The following INPP4B variants were observed in gnomAD, a reference collection of about 807,000 sequenced individuals.
INPP4B encodes inositol polyphosphate-4-phosphatase type II B, also known as inositol polyphosphate 4-phosphatase type II.
A neutral mutation model predicts 122.5 loss-of-function variants in INPP4B; 55 were observed. That is an observed-to-expected ratio of 0.45 (90% CI 0.36 to 0.56). The LOEUF is 0.56. Among genes scored for constraint, INPP4B ranks in the 20% least tolerant of loss-of-function variants. INPP4B has a pLI of 0.00. For missense variants in INPP4B, 1,000 were observed against 1,097.7 expected (o/e 0.91, Z 1.26); for synonymous variants, 403 against 388.7 (o/e 1.04, Z -0.43).
At chr4:142,819,726 T>C (rs879609241) in intron 1 of INPP4B, among the ~76,000 whole-genome samples, 2 of 152,114 alleles carry the variant, frequency 1.3e-5, no homozygotes, top group Non-Finnish European at 2.9e-5. Context: ...GTCCAGATCT[T>C]TCTTTATGAG....
intron 14 of INPP4B, chr4:142,202,819 G>T: frequency 2.0e-6 from 2 of 978,284 alleles, no homozygotes; most frequent in Non-Finnish European, 2.4e-6. Context: ...TGCTTGACAG[G>T]TGTGTTTCAC....
intron 11 of INPP4B, 61 bp from the exon 12 acceptor site, chr4:142,238,072 C>A: frequency 1.3e-6 from 1 of 788,160 alleles, no homozygotes; most frequent in Non-Finnish European, 2.0e-6. Flanking sequence ...AGGTGAAGCT[C>A]AATTAATAAA....
chr4:142,491,551 G>A (rs1454738841), intron 2 of INPP4B, among the ~76,000 whole-genome samples: 1 of 152,148 alleles, frequency 6.6e-6, no homozygotes, highest in Admixed American at 6.5e-5. Flanking sequence ...CAGCTACTTG[G>A]GAGCCTGAGA....
rs1004762319 is a variant in INPP4B at position 142,023,632 on chromosome 4, A to G, written c.*5150T>C. ...TTGAGTCAATGTTACCTGTGAGTGC[A>G]ATAGGTCATCATTGATCGCGTCCTT... On this transcript the variant is annotated 3_prime_UTR_variant, in exon 26 of 26. Transcript: ENST00000262992. The G allele has an allele frequency of 1.3e-5, 2 of 152,196 alleles. No individual in the cohort carries two copies. The highest frequency in any genetic ancestry group is 6.5e-5 in the Admixed American group (1 of 15,276). The allele number at this position is 152,196 out of a possible 1,614,324, so 9.4% of individuals were successfully genotyped here. A position where few individuals can be genotyped will look rare whatever the true frequency, so the allele number is the denominator to read the frequency against.
intron 7 of INPP4B, among the ~76,000 whole-genome samples, chr4:142,336,159 C>T: frequency 6.6e-6 from 1 of 152,242 alleles, no homozygotes; most frequent in African/African-American, 2.4e-5. Context: ...TCTTCTGTTG[C>T]TTAATAAAAT....
At chr4:142,759,825 T>TAAAAAAAAAAAAAAAAAAAAAAAAAAAAA (rs70949188) in intron 1 of INPP4B, among the ~76,000 whole-genome samples, 4 of 70,046 alleles carry the variant, frequency 5.7e-5, no homozygotes, top group African/African-American at 2.2e-4. Context: ...GAGCTTTTTC[T>TAAAAAAAAAAAAAAAAAAAAAAAAAAAAA]AAAAAAAAAA....
At chr4:142,384,180 A>G (rs1795154409) in intron 7 of INPP4B, 1 of 700,642 alleles carries the variant, frequency 1.4e-6, no homozygotes, top group Non-Finnish European at 2.6e-6. Context: ...ATGTTCAAGA[A>G]TTCCAGTACA....
rs563895990 is a variant in INPP4B, at chr4:142,137,238, A to G, written c.1720+8602T>C. 2.7e-5 allele frequency among the ~76,000 whole-genome samples: 4 copies of G among 150,676 alleles called. No homozygotes were observed. In the Admixed American group the frequency reaches 2.7e-4, roughly 10 times the overall value. ...CCCTCAGAAATAACACCGCATATCTACAACTATCTGATCTTTGACAAACCT... is the reference window on the plus strand; with the variant it reads ...CCCTCAGAAATAACACCGCATATCTGCAACTATCTGATCTTTGACAAACCT... On this transcript the variant is annotated intron_variant, in intron 18 of 25. Coordinates refer to ENST00000262992, the MANE Select transcript of INPP4B (RefSeq NM_001101669.3).
At chr4:142,837,975 A>G (rs1263939884) in intron 1 of INPP4B, among the ~76,000 whole-genome samples, 1 of 152,064 alleles carries the variant, frequency 6.6e-6, no homozygotes, top group African/African-American at 2.4e-5. Context: ...AATAATTCAT[A>G]GGCCTATTAA....
chr4:142,114,918 G>T (rs1165580982), intron 21 of INPP4B, among the ~76,000 whole-genome samples: 1 of 151,980 alleles, frequency 6.6e-6, no homozygotes, highest in Non-Finnish European at 1.5e-5. Flanking sequence ...CTCGAAAAAA[G>T]ATTAGACAAA....
In INPP4B at chr4:142,475,287, A is replaced by AC. The variant is rs1580160864; in HGVS notation, c.-190-12562_-190-12561insG. Among the ~76,000 whole-genome samples, 3 of 148,786 alleles carry AC rather than the reference A, an allele frequency of 2.0e-5. No individual in the cohort carries two copies. The South Asian group carries it at 6.5e-4, about 32-fold the overall frequency. ...ACAGAATATAAAAGCAAATAAACAAAAAACCCCCAAAAAACAAAACAAAAA... is the reference window on the plus strand; with the variant it reads ...ACAGAATATAAAAGCAAATAAACAAACAAACCCCCAAAAAACAAAACAAAAA... On this transcript the variant is annotated intron_variant, in intron 2 of 25. Transcript: ENST00000262992.
chr4:142,676,366 A>G lies in INPP4B; in HGVS notation c.-191+49473T>C, dbSNP rs191741868. ...AGAGGACACAAACGAATGGAAAAAC[A>G]TTCCATGCTCATAGACAGGAAGAAT... On this transcript the variant is annotated intron_variant, in intron 2 of 25. Coordinates refer to ENST00000262992, the MANE Select transcript of INPP4B (RefSeq NM_001101669.3). 2.8e-3 allele frequency among the ~76,000 whole-genome samples: 434 copies of G among 152,330 alleles called. 1 individual carries two copies. The highest frequency in any genetic ancestry group is 9.9e-3 in the African/African-American group (412 of 41,580).
At chr4:142,252,941 G>A (rs1733139625) in intron 11 of INPP4B, among the ~76,000 whole-genome samples, 1 of 152,128 alleles carries the variant, frequency 6.6e-6, no homozygotes, top group African/African-American at 2.4e-5. Context: ...ACATCATAGA[G>A]TACACTTACA....
At chr4:142,305,180 T>C (rs1465793573) in intron 9 of INPP4B, among the ~76,000 whole-genome samples, 1 of 152,192 alleles carries the variant, frequency 6.6e-6, no homozygotes, top group Non-Finnish European at 1.5e-5. Context: ...ATAATTTATA[T>C]TTACTTTCTT....
chr4:142,122,157 A>G lies in INPP4B; in HGVS notation c.2106T>C (p.Asn702=). 1.2e-6 allele frequency: 2 copies of G among 1,611,284 alleles called. No individual in the cohort carries two copies. The highest frequency in any genetic ancestry group is 1.7e-4 in the Middle Eastern group (1 of 6,048). The change falls in exon 21 of 26, where the codon AAT becomes AAC. Residue 702 remains asparagine, a synonymous_variant. Coordinates refer to ENST00000262992, the MANE Select transcript of INPP4B (RefSeq NM_001101669.3). ...VAFKIIEAKS[N]DVLPVITGRR... ...TTCCTGTTATAACTGGCAACACATC[A>G]TTGGATTTGGCTTCAATTATTTTAA...
intron 2 of INPP4B, among the ~76,000 whole-genome samples, chr4:142,696,779 T>C (rs116371197): frequency 0.012 from 1,838 of 152,292 alleles, 36 homozygotes; most frequent in African/African-American, 0.034. Flanking sequence ...AGAGGGCAAA[T>C]TGGATAACAC....
chr4:142,410,193 G>C (rs1216613163), intron 5 of INPP4B, among the ~76,000 whole-genome samples: 1 of 152,160 alleles, frequency 6.6e-6, no homozygotes, highest in Non-Finnish European at 1.5e-5. Context: ...TTTGAGTTCA[G>C]CAACACTGCT....
intron 7 of INPP4B, among the ~76,000 whole-genome samples, chr4:142,370,332 C>G (rs149977179): frequency 5.3e-4 from 80 of 152,238 alleles, no homozygotes; most frequent in African/African-American, 1.8e-3. Flanking sequence ...TGGAGATTGT[C>G]TGGAGTCCTA....
At chr4:142,722,411 C>T (rs1764807638) in intron 2 of INPP4B, among the ~76,000 whole-genome samples, 1 of 152,088 alleles carries the variant, frequency 6.6e-6, no homozygotes, top group African/African-American at 2.4e-5. Context: ...AGGTAAGAAA[C>T]ATAGCTGGGG....
Sources: allele counts gnomAD v4.1 joint callset (sites outside exome capture counted in the v4.1 genomes callset), GRCh38; gene constraint gnomAD v4.1.1; transcripts MANE v1.5; gene names NCBI Gene and HGNC (gene_info 2026-07-23, HGNC 2026-07-21).